Variants in GLIS3 observed in about 807,000 individuals in gnomAD.
The protein encoded by GLIS3 is zinc finger protein GLIS3.
Under a neutral mutation model 78.6 loss-of-function variants are expected in GLIS3, and 53 were observed. The ratio of observed to expected loss-of-function variants is 0.67; its 90% CI spans 0.54 to 0.85. The LOEUF (loss-of-function observed/expected upper bound fraction) is 0.85, where lower values mean the gene tolerates loss of function less well. Among genes scored for constraint, GLIS3 ranks in the 40% least tolerant of loss-of-function variants. The probability of loss-of-function intolerance (pLI) is 0.00; values close to 1 mark genes in which losing one functional copy is unlikely to be tolerated. For synonymous variants in GLIS3, 684 were observed against 509.9 expected (o/e 1.34, Z -4.60); for missense variants, 1,703 against 1,231.1 (o/e 1.38, Z -5.74).
At chr9:3,856,351 C>T (rs1588095104) in intron 8 of GLIS3, among the ~76,000 whole-genome samples, 167 bp from the exon 9 acceptor site, 2 of 152,172 alleles carry the variant, frequency 1.3e-5, no homozygotes, top group South Asian at 4.1e-4. Context: ...CTCTCCCTCC[C>T]CACTGCCATT....
chr9:4,336,281 C>A (rs1036096046), intron 2 of GLIS3, among the ~76,000 whole-genome samples: 2 of 152,220 alleles, frequency 1.3e-5, no homozygotes, highest in Admixed American at 6.5e-5. Context: ...TTCTTTAGCT[C>A]TGAATACTTT....
the GLIS3 span, among the ~76,000 whole-genome samples, chr9:4,421,771 A>G: frequency 6.6e-6 from 1 of 152,236 alleles, no homozygotes; most frequent in African/African-American, 2.4e-5. Context: ...AAAGAGTACC[A>G]ACTATGTCCT....
At chr9:4,312,035 C>G (rs554907214) in intron 2 of GLIS3, among the ~76,000 whole-genome samples, 1 of 152,078 alleles carries the variant, frequency 6.6e-6, no homozygotes, top group Admixed American at 6.5e-5. Context: ...CTACTGGGTA[C>G]GAGGCTTAGA....
chr9:4,297,910 C>G (rs980748424), intron 1 of GLIS3, among the ~76,000 whole-genome samples: 3 of 152,044 alleles, frequency 2.0e-5, no homozygotes, highest in African/African-American at 7.2e-5. Context: ...GCTTCGCTGC[C>G]GGGGTCGGAG....
chr9:3,964,920 G>A (rs1021628438), intron 4 of GLIS3, among the ~76,000 whole-genome samples: 10 of 152,144 alleles, frequency 6.6e-5, no homozygotes, highest in African/African-American at 1.7e-4. Context: ...AGGACATGGA[G>A]CTAAGGGTAT....
At chr9:4,274,859 C>G (rs540773573) in intron 2 of GLIS3, among the ~76,000 whole-genome samples, 1 of 152,130 alleles carries the variant, frequency 6.6e-6, no homozygotes, top group Non-Finnish European at 1.5e-5. Flanking sequence ...CTAACCAGGT[C>G]CTGGGGGAGG....
At position 3,880,596 on chromosome 9, in the gene GLIS3, A is replaced by T. The variant is rs191112120; in HGVS notation, c.2129-1001T>A. ...ATATCAAAGAATAAATGGATTTTTTAAAAAAATAAATCAGGTTCAGGATTA... is the reference window on the plus strand; with the variant it reads ...ATATCAAAGAATAAATGGATTTTTTTAAAAAATAAATCAGGTTCAGGATTA... On this transcript the variant is annotated intron_variant, in intron 7 of 10. Coordinates refer to ENST00000381971, the MANE Select transcript of GLIS3 (RefSeq NM_001042413.2). Among the ~76,000 whole-genome samples the T allele has an allele frequency of 5.3e-3, 802 of 152,266 alleles. 4 individuals carry two copies. The highest frequency in any genetic ancestry group is 0.015 in the African/African-American group (632 of 41,540).
At chr9:4,389,433 G>A in the GLIS3 span, among the ~76,000 whole-genome samples, 1 of 152,164 alleles carries the variant, frequency 6.6e-6, no homozygotes, top group African/African-American at 2.4e-5. Context: ...ATTTTGCCTG[G>A]ATATCGCACA....
intron 4 of GLIS3, among the ~76,000 whole-genome samples, chr9:4,047,412 A>C (rs769289743): frequency 4.5e-4 from 69 of 152,132 alleles, no homozygotes; most frequent in Admixed American, 9.2e-4. Flanking sequence ...TTTAAATCTT[A>C]AGAATCTTTA....
chr9:3,987,780 A>AC lies in GLIS3; in HGVS notation c.1711-50592_1711-50591insG, dbSNP rs1398643260. On this transcript the variant is annotated intron_variant, in intron 4 of 10. Transcript: ENST00000381971. ...ATTTGGCAAAAAAAAAAAAAAAAAA[A>AC]AAAAAAAACAAAACACAAACATAAA... Among the ~76,000 whole-genome samples the AC allele has an allele frequency of 3.1e-4, 45 of 144,244 alleles. 2 individuals carry two copies. Among genetic ancestry groups the AC allele is most frequent in the African/African-American group, 7.8e-4 (31 of 39,764 alleles). 94.6% of individuals were successfully genotyped at this position (144,244 alleles called of 152,430 possible).
At chr9:4,152,519 C>T (rs1586820615) in intron 2 of GLIS3, among the ~76,000 whole-genome samples, 3 of 152,328 alleles carry the variant, frequency 2.0e-5, no homozygotes, top group Middle Eastern at 6.8e-3. Flanking sequence ...TATTTAACTT[C>T]TCTAGGCCTC....
intron 6 of GLIS3, among the ~76,000 whole-genome samples, chr9:3,908,713 T>G (rs866024862): frequency 1.4e-3 from 169 of 122,872 alleles, no homozygotes; most frequent in East Asian, 6.1e-3. Flanking sequence ...TTTGTTTTTT[T>G]TTTTTTTTTT....
rs540703602 is a variant in GLIS3 at position 4,279,057 on chromosome 9, T to G, written c.388+6981A>C. Among the ~76,000 whole-genome samples, 398 of 152,056 alleles carry G rather than the reference T, an allele frequency of 2.6e-3. 2 individuals carry two copies. The highest frequency in any genetic ancestry group is 9.3e-3 in the African/African-American group (385 of 41,472). ...TGGCTCATGCCTGTAATCCCAGCAC[T>G]TTGGGAGGCTGAGGCAGGTGGATCA... is the stretch of plus-strand genomic sequence containing the variant. On this transcript the variant is annotated intron_variant, in intron 2 of 10. Coordinates refer to ENST00000381971, the MANE Select transcript of GLIS3 (RefSeq NM_001042413.2).
At chr9:4,419,241 T>C in the GLIS3 span, among the ~76,000 whole-genome samples, 1 of 152,212 alleles carries the variant, frequency 6.6e-6, no homozygotes, top group South Asian at 2.1e-4. Context: ...GTTGAACAGC[T>C]GCTAATCTCT....
At chr9:4,408,584 G>A in the GLIS3 span, among the ~76,000 whole-genome samples, 27 of 150,402 alleles carry the variant, frequency 1.8e-4, no homozygotes, top group South Asian at 2.6e-3. Flanking sequence ...AAAATTAGCC[G>A]GGCGCGGTGG....
intron 6 of GLIS3, among the ~76,000 whole-genome samples, chr9:3,910,499 G>A (rs1166921141): frequency 6.6e-6 from 1 of 152,134 alleles, no homozygotes; most frequent in African/African-American, 2.4e-5. Context: ...ACAGGCATGG[G>A]CCACCACATC....
At chr9:4,193,552 T>G (rs1384676157) in intron 2 of GLIS3, among the ~76,000 whole-genome samples, 1 of 152,214 alleles carries the variant, frequency 6.6e-6, no homozygotes, top group Non-Finnish European at 1.5e-5. Flanking sequence ...ACGGCTTAAC[T>G]AGGTTAGTGG....
chr9:4,195,552 C>T (rs1414519124), intron 2 of GLIS3, among the ~76,000 whole-genome samples: 1 of 152,252 alleles, frequency 6.6e-6, no homozygotes, highest in Non-Finnish European at 1.5e-5. Context: ...GGGCTCGGGA[C>T]CTGCAGCCCG....
chr9:4,097,344 C>T (rs806032), intron 4 of GLIS3, among the ~76,000 whole-genome samples: 100,121 of 151,682 alleles, frequency 0.66, 33,236 homozygotes, highest in Middle Eastern at 0.73. Flanking sequence ...ACAGGATGTC[C>T]ATCCTAGAAG....
Sources: gnomAD v4.1 joint callset for allele counts (sites outside exome capture counted in the v4.1 genomes callset) on GRCh38, gnomAD v4.1.1 for gene constraint, MANE v1.5 for transcripts, NCBI Gene and HGNC (gene_info 2026-07-23, HGNC 2026-07-21) for gene names.